The following SORBS2 variants were observed in gnomAD, a reference collection of about 807,000 sequenced individuals.
The protein encoded by SORBS2 is sorbin and SH3 domain-containing protein 2.
SORBS2 carries 46 observed loss-of-function variants against 97.7 expected under a neutral mutation model. The observed-to-expected ratio is 0.47, with a 90% CI of 0.37 to 0.60. The LOEUF is 0.60. Ranked by LOEUF, SORBS2 falls within the 20% of genes least tolerant of loss-of-function variation. SORBS2 has a pLI of 0.00. For synonymous variants in SORBS2, 476 were observed against 473.4 expected (o/e 1.01, Z -0.07); for missense variants, 1,316 against 1,282.3 (o/e 1.03, Z -0.40).
At chr4:185,870,569 C>T (rs2648110) in intron 1 of SORBS2, among the ~76,000 whole-genome samples, 86,197 of 151,710 alleles carry the variant, frequency 0.57, 24,939 homozygotes, top group Middle Eastern at 0.67. Context: ...CGCTGCCCAG[C>T]TCGTGTCTGA....
At chr4:185,677,136 A>C (rs1323757888) in intron 4 of SORBS2, 1 of 1,551,712 alleles carries the variant, frequency 6.4e-7, no homozygotes, top group East Asian at 2.4e-5. Context: ...AAGGGGAGCT[A>C]TCTGAATGGA....
intron 1 of SORBS2, among the ~76,000 whole-genome samples, chr4:185,946,928 C>T (rs983396400): frequency 1.3e-5 from 2 of 152,244 alleles, no homozygotes; most frequent in African/African-American, 4.8e-5. Flanking sequence ...GTGCCAGGGT[C>T]ATACAACCAA....
At chr4:185,639,011 G>T (rs2097080265) in intron 4 of SORBS2, 10 of 1,520,370 alleles carry the variant, frequency 6.6e-6, no homozygotes, top group Middle Eastern at 1.7e-4. Flanking sequence ...CTTGGAACAG[G>T]TGTCGGAGTT....
At chr4:185,840,590 G>GA (rs553315197) in intron 1 of SORBS2, among the ~76,000 whole-genome samples, 3,858 of 150,808 alleles carry the variant, frequency 0.026, 73 homozygotes, top group Non-Finnish European at 0.042. Flanking sequence ...GTGACTCTTG[G>GA]AAAAAAAAAT....
At chr4:185,659,439 C>T (rs1347897738), upstream of SORBS2, among the ~76,000 whole-genome samples, 7 of 146,730 alleles carry the variant, frequency 4.8e-5, no homozygotes, top group South Asian at 2.3e-4. Context: ...TTTTTTGAGA[C>T]GGAGTCTTGC....
At chr4:185,923,411 G>C (rs1462720843) in intron 1 of SORBS2, among the ~76,000 whole-genome samples, 1 of 151,700 alleles carries the variant, frequency 6.6e-6, no homozygotes, top group Non-Finnish European at 1.5e-5. Context: ...TCCTGCCTCA[G>C]CCTCCTGAGC....
intron 1 of SORBS2, chr4:185,813,135 C>G (rs2099189686): frequency 6.6e-6 from 1 of 152,190 alleles, no homozygotes; most frequent in Non-Finnish European, 1.5e-5. Flanking sequence ...GATATATTTC[C>G]AAGGCACTGT....
chr4:185,703,172 A>T (rs1025797477), intron 2 of SORBS2, among the ~76,000 whole-genome samples: 1 of 152,168 alleles, frequency 6.6e-6, no homozygotes, highest in Non-Finnish European at 1.5e-5. Context: ...CCAGTGCCCT[A>T]CCCTTGAGCT....
chr4:185,629,571 T>G (rs906593112), intron 5 of SORBS2, among the ~76,000 whole-genome samples: 1 of 150,784 alleles, frequency 6.6e-6, no homozygotes, highest in African/African-American at 2.4e-5. Context: ...TTTGTTTTTT[T>G]TTTTTTTTTT....
intron 2 of SORBS2, 44 bp downstream of exon 10, chr4:185,652,618 T>G: frequency 1.3e-6 from 2 of 1,502,504 alleles, no homozygotes; most frequent in Non-Finnish European, 1.9e-6. Flanking sequence ...TGTAGTCCCT[T>G]CAACCCACAA....
rs57482920 is a variant in SORBS2 at position 185,670,430 on chromosome 4, T to C, written c.-46+7993A>G. The stretch of plus-strand genomic sequence containing the variant: ...GGTTCCAGTTGGCTTGACATGGCCC[T>C]GAGGTCAAGGATCCTAACATCTCTC... On this transcript the variant is annotated intron_variant, in intron 4 of 20. Transcript: ENST00000284776. Among the ~76,000 whole-genome samples the C allele has an allele frequency of 4.3e-3, 648 of 152,228 alleles. 6 individuals are homozygous for C. Among genetic ancestry groups the C allele is most frequent in the African/African-American group, 0.015 (631 of 41,556 alleles).
chr4:185,915,871 C>G (rs1428628698), intron 1 of SORBS2, among the ~76,000 whole-genome samples: 1 of 152,164 alleles, frequency 6.6e-6, no homozygotes, highest in African/African-American at 2.4e-5. Flanking sequence ...GATTTGGGAT[C>G]TTGCAATAAG....
chr4:185,941,892 G>A (rs1248706196), intron 1 of SORBS2, among the ~76,000 whole-genome samples: 1 of 152,140 alleles, frequency 6.6e-6, no homozygotes, highest in Non-Finnish European at 1.5e-5. Flanking sequence ...AAGGTGGGCA[G>A]TTTGTCTGAG....
chr4:185,795,423 A>G lies in SORBS2; in HGVS notation c.-337-20057T>C, dbSNP rs183159866. ...ATCTGTACCTTCAGAGAAGGTTTTT[A>G]TCCTAGTCCATCCCCAGCAGACACC... is the stretch of plus-strand genomic sequence containing the variant. On this transcript the variant is annotated intron_variant, in intron 1 of 20. Coordinates refer to the SORBS2 transcript ENST00000284776. Among the ~76,000 whole-genome samples, 324 of 152,254 alleles carry G rather than the reference A, an allele frequency of 2.1e-3. 1 individual carries two copies. Among genetic ancestry groups the G allele is most frequent in the Non-Finnish European group, 4.0e-3 (270 of 68,014 alleles).
chr4:185,623,341 A>G lies in SORBS2; in HGVS notation c.1788T>C (p.Pro596=), dbSNP rs745767574. 153 of 1,613,910 alleles carry G rather than the reference A, an allele frequency of 9.5e-5. 1 individual carries two copies. The South Asian group carries it at 1.2e-3, about 13-fold the overall frequency. ...CTAGAAAAGCAAGTTTAGAAAGGCCAGGGTCCATTTCTTGCCTTCTGGGCT... is the reference window on the plus strand; with the variant it reads ...CTAGAAAAGCAAGTTTAGAAAGGCCGGGGTCCATTTCTTGCCTTCTGGGCT... The change falls in exon 7 of 15, where the codon CCT becomes CCC. Residue 596 remains proline (P), a synonymous_variant. Transcript: ENST00000418609. The surrounding 1 kb of genome is among the most constrained non-coding windows in gnomAD (Gnocchi z 6.4).
chr4:185,647,435 CAG>C (rs2097229037), intron 3 of SORBS2, among the ~76,000 whole-genome samples: 1 of 134,866 alleles, frequency 7.4e-6, no homozygotes, highest in Non-Finnish European at 1.5e-5. Flanking sequence ...TTTTTCGAGA[CAG>C]AGTCTTCCTC....
intron 7 of SORBS2, among the ~76,000 whole-genome samples, chr4:185,620,592 A>C (rs753743530): frequency 2.6e-5 from 4 of 152,218 alleles, no homozygotes; most frequent in Non-Finnish European, 5.9e-5. Context: ...TTGTGGAGTA[A>C]TTTAAGACTG....
Position 185,606,548 on chromosome 4 carries a change from C to CTAAGAACTAATCAT in SORBS2, c.2796+5231_2796+5232insATGATTAGTTCTTA. ...CTCTAATAGCTAATCATGGTAAGGCCGGTTAGTTCTTCCATAATCAGACAA... is the reference window on the plus strand; with the variant it reads ...CTCTAATAGCTAATCATGGTAAGGCCTAAGAACTAATCATGGTTAGTTCTTCCATAATCAGACAA... On this transcript the variant is annotated intron_variant, in intron 12 of 14. Coordinates refer to ENST00000418609, the Ensembl canonical transcript of SORBS2. This position sits in a 1 kb window ranked among gnomAD's most constrained non-coding sequence, Gnocchi z 4.3. The CTAAGAACTAATCAT allele has an allele frequency of 2.4e-5, 24 of 984,918 alleles. No homozygotes were observed. The highest frequency in any genetic ancestry group is 2.9e-5 in the Non-Finnish European group (24 of 829,702). 61.0% of individuals were successfully genotyped at this position (984,918 alleles called of 1,614,324 possible). A position where few individuals can be genotyped will look rare whatever the true frequency, so the allele number is the denominator to read the frequency against.
At chr4:185,811,276 C>CTTTAATAAAG (rs2099182598) in intron 1 of SORBS2, among the ~76,000 whole-genome samples, 2 of 152,168 alleles carry the variant, frequency 1.3e-5, no homozygotes, top group Admixed American at 1.3e-4. Flanking sequence ...AAATGCTTCT[C>CTTTAATAAAG]ATGTAGTTCT....
Sources: gnomAD v4.1 joint callset for allele counts (sites outside exome capture counted in the v4.1 genomes callset) on GRCh38, gnomAD v4.1.1 for gene constraint, Gnocchi (gnomAD v3.1) non-coding constraint, MANE v1.5 for transcripts, NCBI Gene and HGNC (gene_info 2026-07-23, HGNC 2026-07-21) for gene names.